The following EPB41L3 variants were observed in gnomAD, a reference collection of about 807,000 sequenced individuals.
EPB41L3 encodes the protein band 4.1-like protein 3.
EPB41L3 carries 57 observed loss-of-function variants against 127.1 expected under a neutral mutation model. That is an observed-to-expected ratio of 0.45 (90% CI 0.36 to 0.56). The LOEUF (loss-of-function observed/expected upper bound fraction) is 0.56. Ranked by LOEUF, EPB41L3 falls within the 20% of genes least tolerant of loss-of-function variation. The pLI is 0.00. For missense variants in EPB41L3, 1,273 were observed against 1,372.2 expected, an observed-to-expected ratio of 0.93 and a Z score of 1.14; for synonymous variants, 572 against 549.5, an observed-to-expected ratio of 1.04 and a Z score of -0.57.
At chr18:5,517,305 T>C (rs1719946) in intron 1 of EPB41L3, among the ~76,000 whole-genome samples, 40,178 of 151,952 alleles carry the variant, frequency 0.26, 6,168 homozygotes, top group African/African-American at 0.43. Flanking sequence ...TCCTGGAGCC[T>C]GCCCCAGGAC....
At chr18:5,511,421 T>G (rs1306546190) in intron 1 of EPB41L3, among the ~76,000 whole-genome samples, 2 of 143,024 alleles carry the variant, frequency 1.4e-5, no homozygotes, top group Non-Finnish European at 3.0e-5. Context: ...TTTTTTTTTT[T>G]TGTATGTAGA....
chr18:5,551,854 T>G (rs1024745084), intron 3 of EPB41L3, among the ~76,000 whole-genome samples: 1 of 152,194 alleles, frequency 6.6e-6, no homozygotes, highest in Non-Finnish European at 1.5e-5. Flanking sequence ...TTAAAAAATT[T>G]TAAATATTGA....
intron 1 of EPB41L3, among the ~76,000 whole-genome samples, chr18:5,625,047 C>T (rs975820421): frequency 1.3e-5 from 2 of 151,994 alleles, no homozygotes; most frequent in African/African-American, 4.8e-5. Context: ...GGAGAGTTGC[C>T]ATGGGTTTCC....
At chr18:5,440,725 T>A (rs1249425203) in intron 5 of EPB41L3, among the ~76,000 whole-genome samples, 1 of 152,244 alleles carries the variant, frequency 6.6e-6, no homozygotes, top group Non-Finnish European at 1.5e-5. Context: ...TGCATTTATA[T>A]CATAAAAGTG....
chr18:5,629,420 C>CACACACACAA (rs1310578873), upstream of EPB41L3, among the ~76,000 whole-genome samples: 8 of 136,684 alleles, frequency 5.9e-5, no homozygotes, highest in African/African-American at 2.7e-4. Context: ...ACACACCACA[C>CACACACACAA]ACACACACAC....
chr18:5,452,322 TATTC>T (rs1055513129), intron 3 of EPB41L3, among the ~76,000 whole-genome samples: 1 of 152,102 alleles, frequency 6.6e-6, no homozygotes, highest in Non-Finnish European at 1.5e-5. Context: ...TCTAGGCCAA[TATTC>T]ATAGTTGCAT....
At chr18:5,446,927 T>G (rs1764872020) in intron 3 of EPB41L3, among the ~76,000 whole-genome samples, 1 of 152,252 alleles carries the variant, frequency 6.6e-6, no homozygotes, top group Non-Finnish European at 1.5e-5. Context: ...GAATAATATT[T>G]ATAAATAACA....
At chr18:5,560,909 T>C (rs949957717) in intron 3 of EPB41L3, among the ~76,000 whole-genome samples, 12 of 151,970 alleles carry the variant, frequency 7.9e-5, no homozygotes, top group Non-Finnish European at 1.3e-4. Flanking sequence ...CAATGAGAAA[T>C]TTTAATTTTC....
intron 3 of EPB41L3, 126 bp downstream of exon 3, chr18:5,478,115 T>A (rs1360146303): frequency 2.0e-5 from 15 of 732,158 alleles, no homozygotes; most frequent in Non-Finnish European, 3.0e-5. Flanking sequence ...TAATTTTATA[T>A]TTAGAGACTG....
chr18:5,424,390 A>C (rs1435893773), intron 9 of EPB41L3, 31 bp from the exon 10 acceptor site: 2 of 1,515,458 alleles, frequency 1.3e-6, no homozygotes, highest in Admixed American at 4.2e-5. Context: ...TGAAGAGTAA[A>C]GTTTAAAATT....
intron 3 of EPB41L3, among the ~76,000 whole-genome samples, chr18:5,577,141 A>C (rs182713735): frequency 3.8e-4 from 58 of 152,380 alleles, no homozygotes; most frequent in Admixed American, 7.8e-4. Context: ...CTAGAGAACA[A>C]TTAGCGTAGC....
intron 3 of EPB41L3, among the ~76,000 whole-genome samples, chr18:5,588,425 T>C (rs2094458234): frequency 6.6e-6 from 1 of 151,996 alleles, no homozygotes; most frequent in Non-Finnish European, 1.5e-5. Context: ...AAACTACATA[T>C]ACTTAAATAC....
chr18:5,400,425 C>T, intron 16 of EPB41L3: 1 of 396,870 alleles, frequency 2.5e-6, no homozygotes. Context: ...AATACGTGTG[C>T]CTTTAAAAAT....
At chr18:5,560,612 T>G (rs929427351) in intron 3 of EPB41L3, among the ~76,000 whole-genome samples, 2 of 152,198 alleles carry the variant, frequency 1.3e-5, no homozygotes, top group Admixed American at 6.5e-5. Context: ...GGATGCCTGC[T>G]GCACCATTTG....
At chr18:5,560,786 G>C (rs1231982226) in intron 3 of EPB41L3, among the ~76,000 whole-genome samples, 2 of 151,978 alleles carry the variant, frequency 1.3e-5, no homozygotes, top group African/African-American at 2.4e-5. Context: ...TTGGGGGGTG[G>C]GGAGAACGAA....
chr18:5,416,385 T>G lies in EPB41L3; in HGVS notation c.1507-7A>C, dbSNP rs578183073. ...CAGTGCCAAGCCCAGGTGACTGATG[T>G]GAAAGAGACAGAAAGAGACAGAAAG... On this transcript the variant is annotated splice_region_variant and splice_polypyrimidine_tract_variant and intron_variant, in intron 12 of 22. Transcript: ENST00000341928. The G allele has an allele frequency of 9.3e-5, 149 of 1,604,356 alleles. 1 individual carries two copies. The South Asian group carries it at 1.6e-3, about 17-fold the overall frequency.
chr18:5,398,124 T>C lies in EPB41L3; in HGVS notation c.2369A>G (p.Glu790Gly), dbSNP rs779136262. 3.1e-6 allele frequency: 5 copies of C among 1,613,934 alleles called. No homozygotes were observed. In the African/African-American group the frequency reaches 6.7e-5, roughly 22 times the overall value. ...VPEETKQSSG[E>G]KLMDGSEIFS... is the part of the protein sequence containing the mutation. ...GATTTCAGAGCCATCCATGAGCTTT[T>C]CCCCAGAAGACTGCTTAGTCTGAGT... Residue 790 changes from glutamate to glycine, a missense_variant, in exon 17 of 23, where the codon GAA (glutamate) becomes GGA (glycine). By Grantham distance (98) the Glu-to-Gly change is moderately conservative. Transcript: ENST00000341928.
chr18:5,597,879 C>A (rs2094552011), intron 3 of EPB41L3, among the ~76,000 whole-genome samples: 1 of 152,262 alleles, frequency 6.6e-6, no homozygotes, highest in East Asian at 1.9e-4. Flanking sequence ...GAGAGTAGCA[C>A]CAGCCATGGA....
chr18:5,502,433 T>A (rs2091825973), intron 1 of EPB41L3, among the ~76,000 whole-genome samples: 1 of 152,230 alleles, frequency 6.6e-6, no homozygotes, highest in Admixed American at 6.5e-5. Context: ...ATTGATAATT[T>A]TTTTAACTAC....
Sources: allele counts gnomAD v4.1 joint callset (sites outside exome capture counted in the v4.1 genomes callset), GRCh38; gene constraint gnomAD v4.1.1; transcripts MANE v1.5; gene names NCBI Gene and HGNC (gene_info 2026-07-23, HGNC 2026-07-21).